The following SHANK2 variants were observed in gnomAD, a reference collection of about 807,000 sequenced individuals.
The protein encoded by SHANK2 is SH3 and multiple ankyrin repeat domains 2.
Under a neutral mutation model 133.7 loss-of-function variants are expected in SHANK2, and 43 were observed. The observed-to-expected ratio is 0.32, with a 90% CI of 0.25 to 0.41. The LOEUF (loss-of-function observed/expected upper bound fraction) is 0.41. Ranked by LOEUF, SHANK2 falls within the 10% of genes least tolerant of loss-of-function variation. The pLI is 1.00. For synonymous variants in SHANK2, 1,017 were observed against 952.8 expected, an observed-to-expected ratio of 1.07 and a Z score of -1.24; for missense variants, 1,994 against 2,235.8, an observed-to-expected ratio of 0.89 and a Z score of 2.18.
At chr11:70,497,266 T>C (rs1192493936) in intron 21 of SHANK2, among the ~76,000 whole-genome samples, 1 of 152,142 alleles carries the variant, frequency 6.6e-6, no homozygotes, top group Non-Finnish European at 1.5e-5. Flanking sequence ...ATGGAGACTT[T>C]TCAGAAAAGC....
At chr11:70,537,820 C>T (rs1198744413) in intron 17 of SHANK2, among the ~76,000 whole-genome samples, 7 of 152,308 alleles carry the variant, frequency 4.6e-5, no homozygotes, top group East Asian at 1.9e-4. Flanking sequence ...ACCGTGTGTG[C>T]GGGGCCAGGC....
Position 70,896,318 on chromosome 11 carries a change from T to TC in SHANK2, c.1174+182dup, listed in dbSNP as rs879994221. The TC allele has an allele frequency of 9.9e-4, 555 of 558,242 alleles. 1 individual carries two copies. Among genetic ancestry groups the TC allele is most frequent in the Middle Eastern group, 1.7e-3 (6 of 3,628 alleles). 34.6% of individuals were successfully genotyped at this position (558,242 alleles called of 1,614,324 possible). ...ACCTCTAAGGTCTTCCTTAGCCCCA[T>TC]CCCCACTATAAGTTAAAAAAAGTTA... On this transcript the variant is annotated intron_variant, in intron 11 of 25. Transcript: ENST00000601538.
intron 14 of SHANK2, among the ~76,000 whole-genome samples, chr11:70,702,817 G>A (rs1945565662): frequency 6.6e-6 from 1 of 152,202 alleles, no homozygotes; most frequent in African/African-American, 2.4e-5. Flanking sequence ...GGGCTCCAAG[G>A]CCAGGCTGGC....
At position 71,147,195 on chromosome 11, in the gene SHANK2, C is replaced by T. The variant is rs781962815; in HGVS notation, c.132G>A (p.Pro44=). 33 of 1,550,606 alleles carry T rather than the reference C, an allele frequency of 2.1e-5. No homozygotes were observed. The highest frequency in any genetic ancestry group is 7.8e-5 in the Admixed American group (4 of 50,970). ...GGCTCTCCTCCGTCCTGGCACCGCC[C>T]GGCTTCTCCGCAGTGGCCCGGATCG... is the stretch of plus-strand genomic sequence containing the variant. ...YDTIRATAEK[P]GGARTEESQG... is the part of the protein sequence containing the mutation. Residue 44 remains proline, a synonymous_variant, in exon 3 of 26, where the codon CCG becomes CCA. Transcript: ENST00000601538.
chr11:70,798,419 G>C, intron 14 of SHANK2, 24 bp downstream of exon 14: 1 of 716,964 alleles, frequency 1.4e-6, no homozygotes, highest in Non-Finnish European at 2.6e-6. Context: ...ATCGAGGGTG[G>C]GCGGCCACGA....
intron 17 of SHANK2, among the ~76,000 whole-genome samples, chr11:70,564,321 C>A (rs1280930893): frequency 6.6e-6 from 1 of 151,150 alleles, no homozygotes; most frequent in South Asian, 2.1e-4. Flanking sequence ...TGCAGTGGTG[C>A]GATCTCAGCT....
chr11:70,775,558 C>A (rs1255698282), intron 14 of SHANK2, among the ~76,000 whole-genome samples: 1 of 152,094 alleles, frequency 6.6e-6, no homozygotes, highest in Non-Finnish European at 1.5e-5. Context: ...GACTCTAGAC[C>A]CACATTTGCA....
chr11:70,564,815 T>A (rs1591586278), intron 17 of SHANK2, among the ~76,000 whole-genome samples: 2 of 152,372 alleles, frequency 1.3e-5, no homozygotes, highest in Admixed American at 1.3e-4. Flanking sequence ...GTGGTTTTCA[T>A]CACTGGAAGT....
At chr11:70,921,531 T>C (rs1950351819) in intron 10 of SHANK2, among the ~76,000 whole-genome samples, 4 of 152,216 alleles carry the variant, frequency 2.6e-5, no homozygotes. Context: ...TTCGGCTGCT[T>C]TTCCTTTCAA....
intron 10 of SHANK2, among the ~76,000 whole-genome samples, chr11:70,908,972 T>C (rs1032210184): frequency 1.3e-5 from 2 of 152,154 alleles, no homozygotes; most frequent in Non-Finnish European, 2.9e-5. Context: ...TGGGCAGTAT[T>C]ATCCTCTGTC....
chr11:71,177,993 C>T (rs961942359), intron 2 of SHANK2, among the ~76,000 whole-genome samples: 3 of 152,134 alleles, frequency 2.0e-5, no homozygotes, highest in East Asian at 1.9e-4. Context: ...ATGTAAATGG[C>T]GTGGCCACTA....
intron 11 of SHANK2, among the ~76,000 whole-genome samples, chr11:70,889,641 G>A (rs1177083097): frequency 6.6e-6 from 1 of 152,232 alleles, no homozygotes; most frequent in Non-Finnish European, 1.5e-5. Context: ...AGACTCTGAT[G>A]GTGGCGCTGG....
At chr11:71,088,872 C>T (rs1248504490) in intron 8 of SHANK2, among the ~76,000 whole-genome samples, 3 of 146,508 alleles carry the variant, frequency 2.0e-5, no homozygotes, top group East Asian at 2.1e-4. Flanking sequence ...GGCCTCCCCT[C>T]GTCCTGAACT....
At chr11:70,613,614 A>G (rs1490143446) in intron 17 of SHANK2, among the ~76,000 whole-genome samples, 1 of 152,174 alleles carries the variant, frequency 6.6e-6, no homozygotes, top group Non-Finnish European at 1.5e-5. Context: ...GAGGTGTGGA[A>G]GTCCTCACCC....
chr11:70,628,485 T>C (rs2060934897), intron 17 of SHANK2, among the ~76,000 whole-genome samples: 1 of 152,180 alleles, frequency 6.6e-6, no homozygotes, highest in Non-Finnish European at 1.5e-5. Flanking sequence ...TGCCTTAATA[T>C]ATCAAGAGCT....
chr11:71,073,290 CTGGGATTA>C (rs1951174324), intron 9 of SHANK2, among the ~76,000 whole-genome samples: 1 of 151,448 alleles, frequency 6.6e-6, no homozygotes, highest in African/African-American at 2.4e-5. Context: ...TCCCGAGTCG[CTGGGATTA>C]CAGGCACATG....
intron 17 of SHANK2, among the ~76,000 whole-genome samples, chr11:70,561,554 G>C (rs1456771788): frequency 6.6e-6 from 1 of 151,550 alleles, no homozygotes; most frequent in African/African-American, 2.4e-5. Flanking sequence ...GCTGAGACAG[G>C]GTCTTACTCT....
Position 70,753,978 on chromosome 11 carries a change from AT to A in SHANK2, c.1777+44464del, listed in dbSNP as rs1405362689. 3.3e-5 allele frequency among the ~76,000 whole-genome samples: 5 copies of A among 152,174 alleles called. 1 individual carries two copies. Among genetic ancestry groups the A allele is most frequent in the African/African-American group, 7.2e-5 (3 of 41,522 alleles). ...AGGCGTGCACCACCATGCCTGACTA[AT>A]TTTTGTATTATTAGTAGAGATGGGG... On this transcript the variant is annotated intron_variant, in intron 14 of 25. Transcript: ENST00000601538.
intron 9 of SHANK2, among the ~76,000 whole-genome samples, chr11:71,069,258 CCAT>C (rs1951110263): frequency 6.6e-6 from 1 of 151,972 alleles, no homozygotes; most frequent in South Asian, 2.1e-4. Flanking sequence ...GTTACTGTCA[CCAT>C]CACCACCACC....
Sources: gnomAD v4.1 joint callset for allele counts (sites outside exome capture counted in the v4.1 genomes callset) on GRCh38, gnomAD v4.1.1 for gene constraint, MANE v1.5 for transcripts, NCBI Gene and HGNC (gene_info 2026-07-23, HGNC 2026-07-21) for gene names.